TMEM132D: variants seen among roughly 807,000 people sequenced by gnomAD.
TMEM132D encodes the protein mature OL transmembrane protein.
Under a neutral mutation model 62.3 loss-of-function variants are expected in TMEM132D, and 21 were observed. That is an observed-to-expected ratio of 0.34 (90% CI 0.24 to 0.49). TMEM132D has a LOEUF of 0.49. Ranked by LOEUF, TMEM132D falls within the 20% of genes least tolerant of loss-of-function variation. The pLI is 0.99. For missense variants in TMEM132D, 1,346 were observed against 1,402.8 expected, an observed-to-expected ratio of 0.96 and a Z score of 0.65; for synonymous variants, 621 against 575.6, an observed-to-expected ratio of 1.08 and a Z score of -1.13.
chr12:129,117,966 C>A (rs998715563), intron 5 of TMEM132D, among the ~76,000 whole-genome samples: 1 of 152,214 alleles, frequency 6.6e-6, no homozygotes, highest in Non-Finnish European at 1.5e-5. Flanking sequence ...ACGTCAGCCC[C>A]TCCTTTCCTG....
intron 2 of TMEM132D, among the ~76,000 whole-genome samples, chr12:129,581,989 C>T (rs149816751): frequency 6.6e-6 from 1 of 152,176 alleles, no homozygotes; most frequent in Non-Finnish European, 1.5e-5. Flanking sequence ...CTACCCACAG[C>T]ATGTTTAACA....
At chr12:129,174,416 T>G (rs1327156640) in intron 5 of TMEM132D, among the ~76,000 whole-genome samples, 1 of 152,220 alleles carries the variant, frequency 6.6e-6, no homozygotes, top group African/African-American at 2.4e-5. Flanking sequence ...TCTCATGTAT[T>G]TTTATGGTTG....
chr12:129,361,720 T>G (rs1042165124), intron 3 of TMEM132D, among the ~76,000 whole-genome samples: 1 of 152,204 alleles, frequency 6.6e-6, no homozygotes, highest in South Asian at 2.1e-4. Context: ...TTTTAAAAGA[T>G]GTCATATTTA....
chr12:129,246,422 G>A (rs10847813), intron 4 of TMEM132D, among the ~76,000 whole-genome samples: 4,840 of 152,188 alleles, frequency 0.032, 175 homozygotes, highest in East Asian at 0.17. Context: ...AACCTGACGG[G>A]AAGGAATGGG....
At chr12:129,356,592 A>G (rs1414622311) in intron 3 of TMEM132D, among the ~76,000 whole-genome samples, 1 of 151,168 alleles carries the variant, frequency 6.6e-6, no homozygotes, top group Non-Finnish European at 1.5e-5. Context: ...CCTAGGCGGG[A>G]GGGCTGCTTG....
At chr12:129,221,649 A>G (rs1879348536) in intron 4 of TMEM132D, among the ~76,000 whole-genome samples, 2 of 152,118 alleles carry the variant, frequency 1.3e-5, no homozygotes, top group African/African-American at 4.8e-5. Flanking sequence ...TTCTTCCTCA[A>G]TGTGTCCTCC....
intron 1 of TMEM132D, among the ~76,000 whole-genome samples, chr12:129,899,323 GGATGGATGGAT>G (rs1875262884): frequency 7.6e-6 from 1 of 131,564 alleles, no homozygotes; most frequent in Non-Finnish European, 1.6e-5. Context: ...ATGGATGGAT[GGATGGATGGAT>G]GGATGGATGA....
chr12:129,733,388 C>T (rs770088595), intron 1 of TMEM132D, among the ~76,000 whole-genome samples: 1 of 152,082 alleles, frequency 6.6e-6, no homozygotes, highest in African/African-American at 2.4e-5. Flanking sequence ...AGAGCCTGAT[C>T]GCCCCAGATA....
At chr12:129,333,209 G>T (rs1417455946) in intron 4 of TMEM132D, among the ~76,000 whole-genome samples, 1 of 152,184 alleles carries the variant, frequency 6.6e-6, no homozygotes, top group African/African-American at 2.4e-5. Context: ...GGAAGCTGCA[G>T]GAAAATGGGT....
chr12:129,380,992 G>A (rs570525771), intron 3 of TMEM132D, among the ~76,000 whole-genome samples: 1 of 152,252 alleles, frequency 6.6e-6, no homozygotes, highest in African/African-American at 2.4e-5. Flanking sequence ...TGGCTGTTTG[G>A]ATAAGGGTGT....
chr12:129,628,925 T>C (rs971298160), intron 2 of TMEM132D, among the ~76,000 whole-genome samples: 2 of 150,342 alleles, frequency 1.3e-5, no homozygotes, highest in African/African-American at 4.9e-5. Context: ...TTTCTATCTC[T>C]CTTTCTCTCT....
chr12:129,111,833 C>T (rs1405416688), intron 5 of TMEM132D, among the ~76,000 whole-genome samples: 4 of 152,124 alleles, frequency 2.6e-5, no homozygotes, highest in Admixed American at 6.5e-5. Flanking sequence ...ACGTGCATTT[C>T]GAACACAACC....
chr12:129,244,794 C>T (rs10847810), intron 4 of TMEM132D, among the ~76,000 whole-genome samples: 2 of 151,850 alleles, frequency 1.3e-5, no homozygotes, highest in African/African-American at 2.4e-5. Flanking sequence ...GTGTGGGCCA[C>T]CACACCTGAC....
intron 1 of TMEM132D, among the ~76,000 whole-genome samples, chr12:129,881,533 A>C (rs182719335): frequency 1.3e-5 from 2 of 152,120 alleles, no homozygotes; most frequent in South Asian, 4.1e-4. Flanking sequence ...CTAAAAATCG[A>C]TATCAGAAAG....
chr12:129,462,163 C>A (rs550163882), intron 3 of TMEM132D, among the ~76,000 whole-genome samples: 20 of 152,094 alleles, frequency 1.3e-4, no homozygotes, highest in Admixed American at 1.3e-3. Flanking sequence ...AATAAACAAA[C>A]TGAGGCAGAG....
chr12:129,604,520 G>A (rs766072835), intron 2 of TMEM132D, among the ~76,000 whole-genome samples: 25 of 152,122 alleles, frequency 1.6e-4, no homozygotes, highest in South Asian at 2.1e-4. Context: ...GAGCACGAGC[G>A]TTGGATCCTA....
chr12:129,789,402 T>C (rs1427029512), intron 1 of TMEM132D, among the ~76,000 whole-genome samples: 1 of 152,192 alleles, frequency 6.6e-6, no homozygotes, highest in African/African-American at 2.4e-5. Flanking sequence ...AAGAAGCCAT[T>C]ATGTGAAAAA....
intron 2 of TMEM132D, among the ~76,000 whole-genome samples, chr12:129,637,899 C>T (rs1355471266): frequency 2.0e-5 from 3 of 152,158 alleles, no homozygotes; most frequent in Non-Finnish European, 4.4e-5. Flanking sequence ...ACAAGAATAG[C>T]ACCAAGGGGT....
chr12:129,154,374 G>A (rs1877170606), intron 5 of TMEM132D, among the ~76,000 whole-genome samples: 1 of 152,144 alleles, frequency 6.6e-6, no homozygotes, highest in South Asian at 2.1e-4. Context: ...TGCAACTCAG[G>A]GAGCTAGGAT....
Sources: allele counts gnomAD v4.1 joint callset (sites outside exome capture counted in the v4.1 genomes callset), GRCh38; gene constraint gnomAD v4.1.1; transcripts MANE v1.5; gene names NCBI Gene and HGNC (gene_info 2026-07-23, HGNC 2026-07-21).